CDC42BPB: variants seen among roughly 807,000 people sequenced by gnomAD.
CDC42BPB encodes the protein serine/threonine-protein kinase MRCK beta.
In CDC42BPB, 37 loss-of-function variants were observed where a neutral mutation model predicts 214.9. The observed-to-expected ratio is 0.17, with a 90% confidence interval of 0.13 to 0.23. The LOEUF (loss-of-function observed/expected upper bound fraction) is 0.23, where lower values mean the gene tolerates loss of function less well. CDC42BPB is among the 10% of genes least tolerant of loss of function. The probability of loss-of-function intolerance (pLI) is 1.00; values close to 1 mark genes in which losing one functional copy is unlikely to be tolerated. For missense variants in CDC42BPB, 1,694 were observed against 2,227.0 expected (o/e 0.76, Z 4.82); for synonymous variants, 931 against 884.0 (o/e 1.05, Z -0.94).
Position 103,056,775 on chromosome 14 carries a change from G to A in CDC42BPB, c.175+224C>T, listed in dbSNP as rs954877791. 1.4e-3 allele frequency among the ~76,000 whole-genome samples: 210 copies of A among 152,256 alleles called. 1 individual carries two copies. The highest frequency in any genetic ancestry group is 2.5e-3 in the Non-Finnish European group (168 of 68,006). On this transcript the variant is annotated intron_variant, in intron 1 of 36. Transcript: ENST00000361246. Reference sequence around the variant, plus strand: ...ATGTCGAGCCTAGGGAGGGCAAGGAGGGATGAAAAGCTAGCGGAGGGACGA... The same window carrying A: ...ATGTCGAGCCTAGGGAGGGCAAGGAAGGATGAAAAGCTAGCGGAGGGACGA...
At chr14:103,015,968 G>T (rs1360258886) in intron 1 of CDC42BPB, among the ~76,000 whole-genome samples, 1 of 151,572 alleles carries the variant, frequency 6.6e-6, no homozygotes, top group East Asian at 1.9e-4. Context: ...CGCCCACCTC[G>T]ACCTCCCAAA....
intron 20 of CDC42BPB, among the ~76,000 whole-genome samples, chr14:102,960,615 C>A (rs1213529563): frequency 2.0e-5 from 3 of 151,858 alleles, no homozygotes; most frequent in South Asian, 2.1e-4. Flanking sequence ...GTCACACACA[C>A]AAAAAAACAC....
In CDC42BPB at chr14:102,954,167, A is replaced by G. The variant is rs1044336644; in HGVS notation, c.3066+31T>C. 5.7e-6 allele frequency: 8 copies of G among 1,413,628 alleles called. No homozygotes were observed. In the Admixed American group the frequency reaches 6.0e-5, roughly 11 times the overall value. 87.6% of individuals were successfully genotyped at this position (1,413,628 alleles called of 1,614,324 possible). A position where few individuals can be genotyped will look rare whatever the true frequency, so the allele number is the denominator to read the frequency against. On this transcript the variant is annotated intron_variant, in intron 23 of 36. Transcript: ENST00000361246. ...ATAAATAAACAACTAAATAACTAAG[A>G]AGGCGCCCCGGGTGAAAGCAAGGCC...
intron 1 of CDC42BPB, among the ~76,000 whole-genome samples, chr14:103,053,313 C>G (rs899052110): frequency 7.2e-5 from 11 of 151,848 alleles, no homozygotes; most frequent in African/African-American, 2.7e-4. Flanking sequence ...CACCACTGCA[C>G]TTCAGCCTGG....
At chr14:103,006,384 T>C (rs1274579438) in intron 3 of CDC42BPB, among the ~76,000 whole-genome samples, 1 of 152,258 alleles carries the variant, frequency 6.6e-6, no homozygotes, top group South Asian at 2.1e-4. Flanking sequence ...AAGCTCTGCC[T>C]GGCAGCTAGC....
chr14:103,002,115 G>A (rs1176037654), intron 4 of CDC42BPB, among the ~76,000 whole-genome samples: 1 of 152,196 alleles, frequency 6.6e-6, no homozygotes, highest in Non-Finnish European at 1.5e-5. Context: ...TGGGTGGTCA[G>A]AGGAACCCAC....
intron 3 of CDC42BPB, among the ~76,000 whole-genome samples, chr14:103,005,897 G>A (rs1468293564): frequency 6.6e-6 from 1 of 151,548 alleles, no homozygotes; most frequent in East Asian, 1.9e-4. Context: ...GCGGGTGCCT[G>A]TAATCCCAGC....
At chr14:103,007,689 AT>A (rs1313176980) in intron 3 of CDC42BPB, among the ~76,000 whole-genome samples, 1 of 152,198 alleles carries the variant, frequency 6.6e-6, no homozygotes, top group Non-Finnish European at 1.5e-5. Flanking sequence ...ACAGCAAACC[AT>A]TGTGATGAAT....
At chr14:103,010,558 A>G (rs1315107179) in intron 2 of CDC42BPB, among the ~76,000 whole-genome samples, 1 of 152,240 alleles carries the variant, frequency 6.6e-6, no homozygotes, top group African/African-American at 2.4e-5. Flanking sequence ...AGCAAAGGCC[A>G]TCTCGCTTTG....
chr14:102,998,295 T>A (rs1894831485), intron 5 of CDC42BPB, among the ~76,000 whole-genome samples: 1 of 151,994 alleles, frequency 6.6e-6, no homozygotes, highest in Non-Finnish European at 1.5e-5. Flanking sequence ...AAGAAAGAAA[T>A]TAGCAATATA....
chr14:102,976,076 TG>T, intron 9 of CDC42BPB, 27 bp from the exon 10 acceptor site: 1 of 1,603,100 alleles, frequency 6.2e-7, no homozygotes, highest in Non-Finnish European at 8.5e-7. Flanking sequence ...CAGGTTTTTT[TG>T]ATCTACTGAA....
rs1196537139 is a variant in CDC42BPB, at chr14:102,936,488, G to A, written c.5004+1616C>T. On this transcript the variant is annotated intron_variant, in intron 36 of 36. Coordinates refer to ENST00000361246, the MANE Select transcript of CDC42BPB (RefSeq NM_006035.4). ...AAACAGTATGCCAGGTGAGAGCTAG[G>A]CACAAAAGGTCAAACACACTGCCAT... Among the ~76,000 whole-genome samples the A allele has an allele frequency of 2.0e-5, 3 of 152,070 alleles. 1 individual carries two copies. The highest frequency in any genetic ancestry group is 2.0e-4 in the Admixed American group (3 of 15,258).
At chr14:103,056,931 T>C (rs1295129872) in intron 1 of CDC42BPB, 68 bp downstream of exon 1, 3 of 1,014,776 alleles carry the variant, frequency 3.0e-6, no homozygotes, top group South Asian at 2.2e-5. Flanking sequence ...TGGGCGGGCG[T>C]GGGGATGCGC....
chr14:102,940,127 T>G lies in CDC42BPB; in HGVS notation c.4510A>C (p.Arg1504=). The G allele has an allele frequency of 6.2e-7, 1 of 1,614,008 alleles. No homozygotes were observed. The highest frequency in any genetic ancestry group is 8.5e-7 in the Non-Finnish European group (1 of 1,180,030). Residue 1504 remains arginine (R), a synonymous_variant, in exon 32 of 37, where the codon AGG becomes CGG. Transcript: ENST00000361246. ...AGGGTGCCTTCAGAGTTCAGGGGCC[T>G]TATCTGGATTGGAAACCAGGGAGGG... ...WVQTIGLRRI[R]PLNSEGTLNL... is the part of the protein sequence containing the mutation.
At chr14:103,041,622 A>G (rs1458702313) in intron 1 of CDC42BPB, 31 of 751,264 alleles carry the variant, frequency 4.1e-5, no homozygotes, top group Middle Eastern at 3.7e-4. Flanking sequence ...CCGCGTTGGG[A>G]CCCATCCGGC....
intron 23 of CDC42BPB, 33 bp from the exon 24 acceptor site, chr14:102,952,636 A>T (rs1380747820): frequency 4.4e-6 from 7 of 1,600,766 alleles, no homozygotes; most frequent in Non-Finnish European, 5.1e-6. Context: ...ACTGAGGTGA[A>T]CCATGGACTC....
At chr14:102,966,260 G>A (rs754287449) in intron 18 of CDC42BPB, 22 bp downstream of exon 18, 4 of 1,511,792 alleles carry the variant, frequency 2.6e-6, no homozygotes, top group Non-Finnish European at 3.7e-6. Context: ...TAATAGAAAT[G>A]CAGGCATTAC....
intron 24 of CDC42BPB, 39 bp from the exon 25 acceptor site, chr14:102,950,641 C>T: frequency 6.6e-7 from 1 of 1,507,838 alleles, no homozygotes; most frequent in South Asian, 1.3e-5. Flanking sequence ...AAGCTTGCTG[C>T]CTACAGAGAA....
chr14:103,031,655 G>A (rs933947351), intron 1 of CDC42BPB, among the ~76,000 whole-genome samples: 156 of 152,252 alleles, frequency 1.0e-3, no homozygotes, highest in African/African-American at 3.3e-3. Flanking sequence ...GCGCCCACAC[G>A]CAGGCCTTTC....
Sources: allele counts gnomAD v4.1 joint callset (sites outside exome capture counted in the v4.1 genomes callset), GRCh38; gene constraint gnomAD v4.1.1; transcripts MANE v1.5; gene names NCBI Gene and HGNC (gene_info 2026-07-23, HGNC 2026-07-21).